The following UBAC1 variants were observed in gnomAD, a reference collection of about 807,000 sequenced individuals.
UBAC1 encodes UBA domain containing 1, also known as ubiquitin-associated domain-containing protein 1.
A neutral mutation model predicts 45.9 loss-of-function variants in UBAC1; 27 were observed. The ratio of observed to expected loss-of-function variants is 0.59; its 90% CI spans 0.43 to 0.81. UBAC1 has a LOEUF of 0.81. UBAC1 is among the 30% of genes least tolerant of loss of function. The pLI is 0.00. For missense variants in UBAC1, 529 were observed against 539.2 expected, an observed-to-expected ratio of 0.98 and a Z score of 0.19; for synonymous variants, 227 against 215.5, an observed-to-expected ratio of 1.05 and a Z score of -0.47.
intron 3 of UBAC1, 24 bp from the exon 4 acceptor site, chr9:135,947,929 GT>G: frequency 6.2e-7 from 1 of 1,604,766 alleles, no homozygotes; most frequent in Non-Finnish European, 8.5e-7. Flanking sequence ...TAATCAGAAA[GT>G]CTGAGGTGAA....
chr9:135,945,304 C>T, intron 6 of UBAC1, 54 bp from the exon 7 acceptor site: 1 of 1,434,178 alleles, frequency 7.0e-7, no homozygotes, highest in East Asian at 2.4e-5. Context: ...CCAGGGCCTT[C>T]GCCTCCTGTC....
chr9:135,956,405 T>C (rs1321488313), intron 1 of UBAC1, among the ~76,000 whole-genome samples: 1 of 152,176 alleles, frequency 6.6e-6, no homozygotes, highest in Non-Finnish European at 1.5e-5. Context: ...CTGCTTTCCT[T>C]TGAACACGGG....
At chr9:135,933,884 GAC>G (rs1162325694) in intron 9 of UBAC1, among the ~76,000 whole-genome samples, 1 of 151,904 alleles carries the variant, frequency 6.6e-6, no homozygotes, top group African/African-American at 2.4e-5. Context: ...ATGCAGAAAG[GAC>G]ACACACAGAC....
At chr9:135,948,450 A>G (rs1187929724) in intron 3 of UBAC1, among the ~76,000 whole-genome samples, 3 of 152,274 alleles carry the variant, frequency 2.0e-5, no homozygotes, top group Non-Finnish European at 4.4e-5. Context: ...GCATGGACGC[A>G]AGACCATTCC....
At position 135,945,381 on chromosome 9, in the gene UBAC1, A is replaced by T. The variant is rs12345224; in HGVS notation, c.654-131T>A. ...GCATCAGCTGGTGACCCTTATAACA[A>T]GAACCTGAATGAACACAGGTGCGAC... On this transcript the variant is annotated intron_variant, in intron 6 of 9. Coordinates refer to ENST00000371756, the MANE Select transcript of UBAC1 (RefSeq NM_016172.3). 6.1e-3 allele frequency: 4,784 copies of T among 784,272 alleles called. 178 individuals carry two copies. The African/African-American group carries it at 0.074, about 12-fold the overall frequency. The allele number at this position is 784,272 out of a possible 1,614,324, so 48.6% of individuals were successfully genotyped here.
At chr9:135,955,591 A>G (rs1180252295) in intron 1 of UBAC1, among the ~76,000 whole-genome samples, 176 bp from the exon 2 acceptor site, 1 of 152,250 alleles carries the variant, frequency 6.6e-6, no homozygotes, top group African/African-American at 2.4e-5. Flanking sequence ...ATGAAGCATC[A>G]TAGCACCAGT....
At position 135,946,299 on chromosome 9, in the gene UBAC1, C is replaced by G. The variant is rs776872389; in HGVS notation, c.514G>C (p.Asp172His). Residue 172 changes from aspartate (D) to histidine (H), a missense_variant, in exon 5 of 10, where the codon GAT (aspartate) becomes CAT (histidine). Physicochemically the swap from Asp to His is moderately conservative, Grantham distance 81. Coordinates refer to ENST00000371756, the MANE Select transcript of UBAC1 (RefSeq NM_016172.3). ...VAQKLLALNP[D>H]AVELFKKANA... is the part of the protein sequence containing the mutation. ...GCCTTCTTAAACAATTCCACTGCAT[C>G]TGGGTTCAGCGCTAACAGCTTCTGC... The G allele has an allele frequency of 1.9e-6, 3 of 1,613,938 alleles. No individual in the cohort carries two copies. The African/African-American group carries it at 4.0e-5, about 22-fold the overall frequency.
chr9:135,947,756 G>A (rs765143018), intron 4 of UBAC1, 42 bp downstream of exon 4: 13 of 1,543,738 alleles, frequency 8.4e-6, no homozygotes, highest in East Asian at 6.9e-5. Context: ...TCCCCCACAC[G>A]GGGACCCCAT....
chr9:135,958,443 A>G (rs949263307), intron 1 of UBAC1, among the ~76,000 whole-genome samples: 2 of 152,216 alleles, frequency 1.3e-5, no homozygotes, highest in African/African-American at 2.4e-5. Flanking sequence ...AGAGGCCACC[A>G]CGGTGATCCC....
chr9:135,947,948 G>C (rs1209370677), intron 3 of UBAC1, 43 bp from the exon 4 acceptor site: 1 of 1,563,162 alleles, frequency 6.4e-7, no homozygotes, highest in Admixed American at 1.8e-5. Flanking sequence ...GAACGTAAGA[G>C]CAGCAAAAAG....
At chr9:135,935,002 CCT>C (rs371978443) in intron 9 of UBAC1, among the ~76,000 whole-genome samples, 6 of 152,240 alleles carry the variant, frequency 3.9e-5, no homozygotes, top group East Asian at 3.9e-4. Flanking sequence ...ACCTCAGTCC[CCT>C]GAGTAGCAGG....
At chr9:135,954,748 C>T (rs191574649) in intron 2 of UBAC1, among the ~76,000 whole-genome samples, 69 of 152,358 alleles carry the variant, frequency 4.5e-4, no homozygotes, top group South Asian at 3.5e-3. Context: ...CGGCCCACGA[C>T]GGTGCCCATC....
intron 3 of UBAC1, among the ~76,000 whole-genome samples, chr9:135,949,543 G>T (rs575345520): frequency 6.6e-6 from 1 of 152,340 alleles, no homozygotes; most frequent in Admixed American, 6.5e-5. Context: ...GGTGCAGGGA[G>T]GAGCGGCTCA....
Position 135,946,282 on chromosome 9 carries a change from A to T in UBAC1, c.531T>A (p.Phe177Leu), listed in dbSNP as rs778565596. The T allele has an allele frequency of 2.5e-6, 4 of 1,612,574 alleles. No individual in the cohort carries two copies. In the Admixed American group the frequency reaches 6.7e-5, roughly 27 times the overall value. The change falls in exon 5 of 10, where the codon TTT (phenylalanine) becomes TTA (leucine). Residue 177 changes from phenylalanine to leucine, a missense_variant. Coordinates refer to ENST00000371756, the MANE Select transcript of UBAC1 (RefSeq NM_016172.3). ...LALNPDAVEL[F>L]KKANAMLDED... ...GTTGACTCATACCATTCGCCTTCTT[A>T]AACAATTCCACTGCATCTGGGTTCA... is the stretch of plus-strand genomic sequence containing the variant.
At chr9:135,950,798 G>A (rs1839397984) in intron 3 of UBAC1, among the ~76,000 whole-genome samples, 1 of 152,138 alleles carries the variant, frequency 6.6e-6, no homozygotes, top group Admixed American at 6.6e-5. Flanking sequence ...AATAACAAGA[G>A]TTATGAGTGG....
At chr9:135,935,662 C>T (rs913365826) in intron 9 of UBAC1, among the ~76,000 whole-genome samples, 19 of 151,374 alleles carry the variant, frequency 1.3e-4, no homozygotes, top group African/African-American at 4.1e-4. Flanking sequence ...ATAGATGACA[C>T]GCATAGACAG....
intron 7 of UBAC1, among the ~76,000 whole-genome samples, chr9:135,942,000 AAAG>A (rs1839275157): frequency 6.6e-6 from 1 of 152,256 alleles, no homozygotes; most frequent in Non-Finnish European, 1.5e-5. Context: ...GATTTTCATC[AAAG>A]AAGACATTCT....
chr9:135,938,401 A>G (rs1839225316), intron 8 of UBAC1, 41 bp from the exon 9 acceptor site: 2 of 1,599,216 alleles, frequency 1.3e-6, no homozygotes, highest in Non-Finnish European at 1.7e-6. Flanking sequence ...TAGCGCCTTC[A>G]GTGCCTCCGC....
intron 2 of UBAC1, among the ~76,000 whole-genome samples, chr9:135,954,099 A>G (rs1332487626): frequency 6.7e-6 from 1 of 149,746 alleles, no homozygotes; most frequent in Non-Finnish European, 1.5e-5. Context: ...AGATTGCACC[A>G]CTGCACTCCA....
Sources: allele counts gnomAD v4.1 joint callset (sites outside exome capture counted in the v4.1 genomes callset), GRCh38; gene constraint gnomAD v4.1.1; transcripts MANE v1.5; gene names NCBI Gene and HGNC (gene_info 2026-07-23, HGNC 2026-07-21).